FKBP5: variants seen among roughly 807,000 people sequenced by gnomAD.
FKBP5 encodes FKBP prolyl isomerase 5.
In FKBP5, 23 loss-of-function variants were observed where a neutral mutation model predicts 50.5. That is an observed-to-expected ratio of 0.46 (90% CI 0.33 to 0.65). The LOEUF (loss-of-function observed/expected upper bound fraction) is 0.65, where lower values mean the gene tolerates loss of function less well. Ranked by LOEUF, FKBP5 falls within the 30% of genes least tolerant of loss-of-function variation. The pLI, the probability that FKBP5 is intolerant of heterozygous loss-of-function variation, is 0.02. For synonymous variants in FKBP5, 176 were observed against 190.6 expected (o/e 0.92, Z 0.63); for missense variants, 411 against 553.1 (o/e 0.74, Z 2.58).
intron 2 of FKBP5, among the ~76,000 whole-genome samples, chr6:35,700,189 C>T (rs565555232): frequency 1.3e-5 from 2 of 152,194 alleles, no homozygotes; most frequent in South Asian, 2.1e-4. Context: ...CTGAGACAGT[C>T]TCGCTCTGTC....
intron 2 of FKBP5, among the ~76,000 whole-genome samples, chr6:35,713,643 C>G (rs1443854899): frequency 6.6e-6 from 1 of 152,210 alleles, no homozygotes; most frequent in African/African-American, 2.4e-5. Flanking sequence ...GAGCAGCAAA[C>G]GCTCCTGCCC....
At chr6:35,619,364 C>CAAA (rs75235862) in intron 4 of FKBP5, among the ~76,000 whole-genome samples, 154 bp from the exon 5 acceptor site, 2 of 130,844 alleles carry the variant, frequency 1.5e-5, no homozygotes, top group African/African-American at 2.8e-5. Flanking sequence ...GGAAAAGTAG[C>CAAA]AAAAAAAAAA....
chr6:35,595,757 A>G (rs889217495), intron 6 of FKBP5, among the ~76,000 whole-genome samples: 2 of 152,172 alleles, frequency 1.3e-5, no homozygotes, highest in Non-Finnish European at 2.9e-5. Flanking sequence ...TACCAAAAAA[A>G]AAAAAGTAAT....
At chr6:35,618,048 G>A (rs1333521967) in intron 5 of FKBP5, among the ~76,000 whole-genome samples, 2 of 152,222 alleles carry the variant, frequency 1.3e-5, no homozygotes, top group African/African-American at 2.4e-5. Context: ...CTGATGAGAT[G>A]TATTTGAGTC....
At chr6:35,711,926 G>C (rs911975351) in intron 2 of FKBP5, among the ~76,000 whole-genome samples, 1 of 151,542 alleles carries the variant, frequency 6.6e-6, no homozygotes, top group African/African-American at 2.4e-5. Context: ...GCCCAGGCTA[G>C]AGTGCAGTGG....
At chr6:35,593,070 A>G (rs951512848) in intron 6 of FKBP5, among the ~76,000 whole-genome samples, 4 of 152,258 alleles carry the variant, frequency 2.6e-5, no homozygotes, top group Non-Finnish European at 4.4e-5. Context: ...TGTGGCGCAC[A>G]TGATCCTGCA....
chr6:35,590,281 C>A (rs1037956952), intron 7 of FKBP5, among the ~76,000 whole-genome samples: 1 of 151,072 alleles, frequency 6.6e-6, no homozygotes, highest in African/African-American at 2.4e-5. Context: ...GCCTGGGTGA[C>A]AAGAGTGAGA....
intron 3 of FKBP5, among the ~76,000 whole-genome samples, chr6:35,622,255 T>C (rs926636981): frequency 6.6e-6 from 1 of 152,156 alleles, no homozygotes; most frequent in Non-Finnish European, 1.5e-5. Flanking sequence ...ATACCTCTCA[T>C]CTCAGCATTT....
chr6:35,577,140 A>G lies in FKBP5; in HGVS notation c.1120T>C (p.Phe374Leu), dbSNP rs767683901. 1 of 1,614,034 alleles carries G rather than the reference A, an allele frequency of 6.2e-7. No individual in the cohort carries two copies. The highest frequency in any genetic ancestry group is 8.5e-7 in the Non-Finnish European group (1 of 1,180,022). Residue 374 changes from phenylalanine to leucine, a missense_variant, in exon 10 of 11, where the codon TTT becomes CTT. By Grantham distance (22) the Phe-to-Leu change is conservative (BLOSUM62 0). This residue lies in a region of FKBP5 where 267 missense variants were observed against 405.9 expected (regional missense o/e 0.66). Coordinates refer to ENST00000357266, the MANE Select transcript of FKBP5 (RefSeq NM_004117.4). ...GGGTTTACTTCCAGCACTTTCTCAAAGTCACCCTTGGCTGACTCAAACTCG... is the reference window on the plus strand; with the variant it reads ...GGGTTTACTTCCAGCACTTTCTCAAGGTCACCCTTGGCTGACTCAAACTCG... ...MNEFESAKGDFEKVLEVNPQN... is the reference protein window; with the variant it reads ...MNEFESAKGDLEKVLEVNPQN...
intron 1 of FKBP5, among the ~76,000 whole-genome samples, chr6:35,687,920 G>A (rs995824682): frequency 2.6e-5 from 4 of 152,226 alleles, no homozygotes; most frequent in African/African-American, 9.7e-5. Context: ...GCACCCTGAC[G>A]CTCGTAGTGT....
chr6:35,588,202 T>C (rs1762674799), intron 7 of FKBP5, among the ~76,000 whole-genome samples: 1 of 151,920 alleles, frequency 6.6e-6, no homozygotes, highest in Non-Finnish European at 1.5e-5. Flanking sequence ...ATTTTTTGTA[T>C]TTTTAGTAGA....
chr6:35,672,562 G>A (rs529633583), intron 1 of FKBP5, among the ~76,000 whole-genome samples: 2 of 151,352 alleles, frequency 1.3e-5, no homozygotes, highest in South Asian at 4.2e-4. Context: ...CTCTAATCAT[G>A]GGAAAGAATA....
In FKBP5 at chr6:35,577,089, T is replaced by C; in HGVS notation, c.1171A>G (p.Ile391Val). 6.2e-7 allele frequency: 1 copy of C among 1,614,214 alleles called. No individual in the cohort carries two copies. The highest frequency in any genetic ancestry group is 1.1e-5 in the South Asian group (1 of 91,088). Residue 391 changes from isoleucine (I) to valine (V), a missense_variant, in exon 10 of 11, where the codon ATC (isoleucine) becomes GTC (valine). Ile to Val is a conservative substitution (Grantham distance 29). Around this residue, in one of 3 missense-constraint regions of FKBP5, gnomAD observed 88 missense variants for 89.0 expected, o/e 0.99. Coordinates refer to ENST00000357266, the MANE Select transcript of FKBP5 (RefSeq NM_004117.4). ...NPQNKAARLQ[I>V]SMCQKKAKEH... is the part of the protein sequence containing the mutation. ...TTGGCCTTTTTCTGGCACATGGAGA[T>C]CTGCAGTCTTGCAGCCTTATTCTGG...
At chr6:35,675,499 G>A (rs999003036) in intron 1 of FKBP5, among the ~76,000 whole-genome samples, 1 of 152,176 alleles carries the variant, frequency 6.6e-6, no homozygotes, top group Non-Finnish European at 1.5e-5. Context: ...GAACCTGGGA[G>A]ACAGAGGTTG....
chr6:35,631,565 G>A (rs543921800), intron 3 of FKBP5, among the ~76,000 whole-genome samples: 14 of 152,070 alleles, frequency 9.2e-5, no homozygotes, highest in African/African-American at 3.1e-4. Flanking sequence ...TTTATTATAC[G>A]TAAATAATAC....
intron 3 of FKBP5, among the ~76,000 whole-genome samples, chr6:35,626,979 G>A (rs1764019735): frequency 6.6e-6 from 1 of 152,120 alleles, no homozygotes; most frequent in African/African-American, 2.4e-5. Flanking sequence ...TTTCAATTCT[G>A]TTGGTTATAT....
At chr6:35,682,735 T>G (rs1382249506) in intron 1 of FKBP5, among the ~76,000 whole-genome samples, 2 of 151,928 alleles carry the variant, frequency 1.3e-5, no homozygotes, top group Non-Finnish European at 2.9e-5. Context: ...TTCAAAAGGA[T>G]ACAATTCAAA....
At chr6:35,677,263 C>T (rs889254087) in intron 1 of FKBP5, among the ~76,000 whole-genome samples, 6 of 151,936 alleles carry the variant, frequency 3.9e-5, no homozygotes, top group South Asian at 2.1e-4. Context: ...TTAGTAGAGA[C>T]GGGGTTTCAC....
chr6:35,694,506 CA>C (rs1766052214), intron 2 of FKBP5, among the ~76,000 whole-genome samples: 1 of 152,156 alleles, frequency 6.6e-6, no homozygotes, highest in South Asian at 2.1e-4. Context: ...ATGTTTTGGA[CA>C]TTGTATTTTA....
Sources: gnomAD v4.1 joint callset for allele counts (sites outside exome capture counted in the v4.1 genomes callset) on GRCh38, gnomAD v4.1.1 for gene constraint, gnomAD v4.1.1 regional missense constraint, MANE v1.5 for transcripts, NCBI Gene and HGNC (gene_info 2026-07-23, HGNC 2026-07-21) for gene names.